Variants in CDH3 observed in about 807,000 individuals in gnomAD.
The protein encoded by CDH3 is cadherin 3.
A neutral mutation model predicts 82.0 loss-of-function variants in CDH3; 54 were observed. That is an observed-to-expected ratio of 0.66 (90% CI 0.53 to 0.83). The LOEUF (loss-of-function observed/expected upper bound fraction) is 0.83, where lower values mean the gene tolerates loss of function less well. Among genes scored for constraint, CDH3 ranks in the 40% least tolerant of loss-of-function variants. The pLI is 0.00. For synonymous variants in CDH3, 446 were observed against 437.9 expected, an observed-to-expected ratio of 1.02 and a Z score of -0.23; for missense variants, 1,054 against 1,084.6, an observed-to-expected ratio of 0.97 and a Z score of 0.40.
chr16:68,724,979 C>T (rs952521187), intron 2 of CDH3, among the ~76,000 whole-genome samples: 4 of 152,106 alleles, frequency 2.6e-5, no homozygotes. Flanking sequence ...AGTTCTGGCA[C>T]CTGATTCCCT....
At chr16:68,662,045 A>G (rs2152093682) in intron 2 of CDH3, among the ~76,000 whole-genome samples, 1 of 152,324 alleles carries the variant, frequency 6.6e-6, no homozygotes, top group South Asian at 2.1e-4. Flanking sequence ...GAGGAAAGTT[A>G]TTCAAAGCCA....
intron 1 of CDH3, among the ~76,000 whole-genome samples, chr16:68,712,032 G>GTTTTT (rs1322776953): frequency 8.1e-5 from 7 of 85,992 alleles, no homozygotes; most frequent in African/African-American, 3.0e-4. Flanking sequence ...GGGTTTTTTT[G>GTTTTT]TTTTCTTTTT....
intron 2 of CDH3, chr16:68,646,033 C>T (rs1960049312): frequency 2.1e-6 from 1 of 475,494 alleles, no homozygotes; most frequent in South Asian, 2.6e-5. Context: ...CCAGTCTCGA[C>T]GTGGGAAGTT....
At chr16:68,673,139 G>A (rs1960931889) in intron 2 of CDH3, among the ~76,000 whole-genome samples, 1 of 152,144 alleles carries the variant, frequency 6.6e-6, no homozygotes, top group African/African-American at 2.4e-5. Context: ...TTTGGCAAAT[G>A]TATTTTTGTT....
At chr16:68,682,228 A>T (rs1360577098) in intron 8 of CDH3, 74 bp from the exon 9 acceptor site, 49 of 1,496,092 alleles carry the variant, frequency 3.3e-5, no homozygotes, top group Non-Finnish European at 4.5e-5. Context: ...CTGAGGTTGG[A>T]TGGAGGCTTC....
At chr16:68,659,331 G>A (rs1960496611) in intron 2 of CDH3, among the ~76,000 whole-genome samples, 1 of 152,156 alleles carries the variant, frequency 6.6e-6, no homozygotes, top group Non-Finnish European at 1.5e-5. Context: ...CACTGTGGGA[G>A]GTTGAGGTGG....
rs751633731 is a variant in CDH3, at chr16:68,698,451, C to T, written c.*51C>T. ...CAAACGTCAGGCCACAGAGCATCTC[C>T]AAGGGGTCTCAGTTCCCCCTTCAGC... On this transcript the variant is annotated 3_prime_UTR_variant, in exon 16 of 16. Coordinates refer to ENST00000264012, the MANE Select transcript of CDH3 (RefSeq NM_001793.6). The T allele has an allele frequency of 7.2e-6, 11 of 1,537,640 alleles. No homozygotes were observed. The highest frequency in any genetic ancestry group is 9.9e-6 in the Non-Finnish European group (11 of 1,112,330).
At chr16:68,677,557 G>A (rs913809641) in intron 3 of CDH3, among the ~76,000 whole-genome samples, 3 of 152,136 alleles carry the variant, frequency 2.0e-5, no homozygotes, top group Non-Finnish European at 4.4e-5. Context: ...GGCCAATATG[G>A]TGAAACTCTG....
At chr16:68,728,351 G>A (rs964606960), downstream of CDH3, among the ~76,000 whole-genome samples, 1 of 151,600 alleles carries the variant, frequency 6.6e-6, no homozygotes, top group East Asian at 1.9e-4. Flanking sequence ...ATTTTTAGTA[G>A]AGAAGGGGTT....
chr16:68,696,952 C>G (rs35854485), intron 15 of CDH3: 83,867 of 150,676 alleles, frequency 0.56, 23,673 homozygotes, highest in Middle Eastern at 0.62. Context: ...CTCGACCTCA[C>G]ATGCCTCTTA....
intron 2 of CDH3, among the ~76,000 whole-genome samples, chr16:68,725,643 T>A (rs555821046): frequency 3.3e-5 from 5 of 151,938 alleles, no homozygotes; most frequent in African/African-American, 1.2e-4. Context: ...CTTCACCTAA[T>A]TCTTGAAATC....
downstream of CDH3, among the ~76,000 whole-genome samples, chr16:68,727,755 A>C (rs1240197180): frequency 6.6e-6 from 1 of 152,084 alleles, no homozygotes; most frequent in Non-Finnish European, 1.5e-5. Context: ...CTAAAAATAA[A>C]AAAATTAGCC....
intron 9 of CDH3, among the ~76,000 whole-genome samples, chr16:68,684,021 C>T (rs1010651050): frequency 3.4e-5 from 5 of 146,478 alleles, no homozygotes; most frequent in Admixed American, 1.4e-4. Flanking sequence ...GAGCTGAGTT[C>T]GCATCACTGC....
At chr16:68,652,573 G>A (rs1308349346) in intron 2 of CDH3, among the ~76,000 whole-genome samples, 1 of 152,194 alleles carries the variant, frequency 6.6e-6, no homozygotes, top group Non-Finnish European at 1.5e-5. Context: ...GAGACTCGAT[G>A]TTATTGAAGA....
intron 2 of CDH3, among the ~76,000 whole-genome samples, chr16:68,672,581 G>A (rs1022373355): frequency 1.3e-5 from 2 of 152,192 alleles, no homozygotes; most frequent in Admixed American, 6.5e-5. Flanking sequence ...CCTGGGGATC[G>A]TGTGGCCCCT....
At chr16:68,718,010 C>G (rs1345778864) in intron 1 of CDH3, among the ~76,000 whole-genome samples, 1 of 151,920 alleles carries the variant, frequency 6.6e-6, no homozygotes, top group Admixed American at 6.6e-5. Context: ...GACAGAGTCT[C>G]ATTCTGTTGC....
At chr16:68,685,489 G>T (rs1446990208) in intron 11 of CDH3, 139 bp downstream of exon 11, 1 of 884,666 alleles carries the variant, frequency 1.1e-6, no homozygotes, top group Non-Finnish European at 1.8e-6. Context: ...CGGTCAAAGG[G>T]GTCTTTCAGA....
At chr16:68,731,563 G>A (rs188967383), downstream of CDH3, among the ~76,000 whole-genome samples, 6 of 148,452 alleles carry the variant, frequency 4.0e-5, no homozygotes, top group Non-Finnish European at 8.9e-5. Flanking sequence ...CAATTTGGGC[G>A]TGATGGCTCA....
At chr16:68,685,462 T>A (rs1490001150) in intron 11 of CDH3, 112 bp downstream of exon 11, 2 of 1,166,788 alleles carry the variant, frequency 1.7e-6, no homozygotes, top group African/African-American at 3.0e-5. Flanking sequence ...GGAGGGCTAT[T>A]TGCAAACCAA....
Sources: gnomAD v4.1 joint callset for allele counts (sites outside exome capture counted in the v4.1 genomes callset) on GRCh38, gnomAD v4.1.1 for gene constraint, MANE v1.5 for transcripts, NCBI Gene and HGNC (gene_info 2026-07-23, HGNC 2026-07-21) for gene names.